SRR: variants seen among roughly 807,000 people sequenced by gnomAD.
SRR encodes D-serine ammonia-lyase.
Under a neutral mutation model 32.7 loss-of-function variants are expected in SRR, and 19 were observed. The ratio of observed to expected loss-of-function variants is 0.58; its 90% CI spans 0.40 to 0.85. The LOEUF (loss-of-function observed/expected upper bound fraction) is 0.85, where lower values mean the gene tolerates loss of function less well. Among genes scored for constraint, SRR ranks in the 40% least tolerant of loss-of-function variants. SRR has a pLI of 0.00. For synonymous variants in SRR, 142 were observed against 140.9 expected, an observed-to-expected ratio of 1.01 and a Z score of -0.06; for missense variants, 373 against 404.7, an observed-to-expected ratio of 0.92 and a Z score of 0.67.
chr17:2,303,907 G>T, upstream of SRR: 1 of 494,636 alleles, frequency 2.0e-6, no homozygotes, highest in Non-Finnish European at 3.5e-6. Flanking sequence ...CCAGAGGGGC[G>T]GGACCGGAGC....
At chr17:2,320,078 A>G (rs1433339931) in intron 4 of SRR, among the ~76,000 whole-genome samples, 3 of 151,692 alleles carry the variant, frequency 2.0e-5, no homozygotes, top group Non-Finnish European at 4.4e-5. Context: ...TCGGCCTCCC[A>G]AAGTGCTGGG....
intron 5 of SRR, 41 bp downstream of exon 5, chr17:2,321,466 C>T (rs1327326418): frequency 6.2e-7 from 1 of 1,612,326 alleles, no homozygotes; most frequent in African/African-American, 1.3e-5. Flanking sequence ...ACTGGTAAAG[C>T]TGTTGGGCTA....
At chr17:2,317,753 A>G (rs1490201343) in intron 2 of SRR, 117 bp from the exon 3 acceptor site, 2 of 1,108,846 alleles carry the variant, frequency 1.8e-6, no homozygotes, top group South Asian at 3.2e-5. Flanking sequence ...AGGTAAATCG[A>G]TAAGATTTGG....
At chr17:2,310,579 G>A (rs1010950463) in intron 1 of SRR, among the ~76,000 whole-genome samples, 7 of 151,692 alleles carry the variant, frequency 4.6e-5, no homozygotes, top group African/African-American at 1.5e-4. Flanking sequence ...TGGGATTTTT[G>A]GTTGTTGTTT....
At chr17:2,319,821 CT>C (rs397701831) in intron 4 of SRR, among the ~76,000 whole-genome samples, 75 of 133,338 alleles carry the variant, frequency 5.6e-4, no homozygotes, top group African/African-American at 6.7e-4. Flanking sequence ...CTTGTCTCTT[CT>C]TTTTTTTTTT....
At chr17:2,318,747 G>T (rs1396942072) in intron 3 of SRR, 79 bp from the exon 4 acceptor site, 4 of 978,668 alleles carry the variant, frequency 4.1e-6, no homozygotes, top group South Asian at 1.3e-5. Context: ...TGGGATTACA[G>T]GTGTGACCCA....
Position 2,304,036 on chromosome 17 carries a change from G to T in SRR, c.-5+19G>T. The T allele has an allele frequency of 4.1e-6, 1 of 241,726 alleles. No individual in the cohort carries two copies. The allele number at this position is 241,726 out of a possible 1,614,324, so 15.0% of individuals were successfully genotyped here. On this transcript the variant is annotated intron_variant, in intron 1 of 7. Transcript: ENST00000344595. ...AGCTGAGGTGAGGCGAGGCCGGGCCGTGCCAGGCCAGGCGGGCGTTTGCGG... is the reference window on the plus strand; with the variant it reads ...AGCTGAGGTGAGGCGAGGCCGGGCCTTGCCAGGCCAGGCGGGCGTTTGCGG...
intron 1 of SRR, among the ~76,000 whole-genome samples, chr17:2,308,060 AC>A (rs1378329570): frequency 3.3e-5 from 5 of 150,726 alleles, no homozygotes; most frequent in Non-Finnish European, 5.9e-5. Context: ...AAAAAAAAAA[AC>A]AACAAAAAAA....
At chr17:2,317,842 A>T (rs773168622) in intron 2 of SRR, 28 bp from the exon 3 acceptor site, 8 of 1,601,586 alleles carry the variant, frequency 5.0e-6, no homozygotes, top group Non-Finnish European at 6.0e-6. Flanking sequence ...TTAATCAAAT[A>T]TGTGAATTCA....
rs2075523310 is a variant in SRR at position 2,321,023 on chromosome 17, T to TA, written c.400-279dup. ...ATCCACAGCACTTGTTCAGATCTTT[T>TA]AAAATGTCACTTTACTAGAGGCTCT... On this transcript the variant is annotated intron_variant, in intron 4 of 7. Transcript: ENST00000344595. Among the ~76,000 whole-genome samples the TA allele has an allele frequency of 8.5e-5, 13 of 152,380 alleles. No homozygotes were observed. In the South Asian group the frequency reaches 2.7e-3, roughly 32 times the overall value.
chr17:2,323,289 C>G lies in SRR; in HGVS notation c.748C>G (p.Pro250Ala). 6.2e-7 allele frequency: 1 copy of G among 1,614,084 alleles called. No individual in the cohort carries two copies. The highest frequency in any genetic ancestry group is 8.5e-7 in the Non-Finnish European group (1 of 1,179,982). ...VKSSIGLNTW[P>A]IIRDLVDDIF... Reference sequence around the variant, plus strand: ...ATCCAGCATTGGCTTGAACACCTGGCCTATTATCAGGGACCTTGTGGATGA... The same window carrying G: ...ATCCAGCATTGGCTTGAACACCTGGGCTATTATCAGGGACCTTGTGGATGA... The change falls in exon 7 of 8, where the codon CCT (proline) becomes GCT (alanine). Residue 250 changes from proline (P) to alanine (A), a missense_variant. By Grantham distance (27) the Pro-to-Ala change is conservative. Transcript: ENST00000344595.
At chr17:2,317,834 A>T (rs769800086) in intron 2 of SRR, 36 bp from the exon 3 acceptor site, 18 of 1,598,318 alleles carry the variant, frequency 1.1e-5, no homozygotes, top group Non-Finnish European at 1.5e-5. Flanking sequence ...ACAATGTTTT[A>T]ATCAAATATG....
At chr17:2,306,378 C>A (rs2075390437) in intron 1 of SRR, among the ~76,000 whole-genome samples, 1 of 151,770 alleles carries the variant, frequency 6.6e-6, no homozygotes, top group South Asian at 2.1e-4. Context: ...AGTGAATAGC[C>A]ACAAATGAAG....
intron 1 of SRR, chr17:2,307,349 G>A (rs1303869841): frequency 9.5e-7 from 1 of 1,058,180 alleles, no homozygotes; most frequent in South Asian, 1.2e-5. Flanking sequence ...AGAGGTCAAA[G>A]TACTTCTGGA....
intron 3 of SRR, among the ~76,000 whole-genome samples, chr17:2,318,456 GTTTC>G (rs1436475152): frequency 1.1e-4 from 16 of 147,622 alleles, no homozygotes; most frequent in Non-Finnish European, 1.8e-4. Flanking sequence ...GGCTGAACAT[GTTTC>G]TTTCTTTTTT....
chr17:2,323,487 T>C, intron 7 of SRR, 142 bp downstream of exon 7: 7 of 1,156,948 alleles, frequency 6.1e-6, no homozygotes, highest in South Asian at 2.9e-5. Context: ...GATGTATTAA[T>C]GACAACCCTC....
rs146419119 is a variant in SRR, at chr17:2,324,088, G to A, written c.*215G>A. On this transcript the variant is annotated 3_prime_UTR_variant, in exon 8 of 8. Transcript: ENST00000344595. ...AAAAAAAGTCTTGCAAAATGGGGCA[G>A]TGGACTGACAGGCTGACATAGAAAA... 178 of 1,424,264 alleles carry A rather than the reference G, an allele frequency of 1.2e-4. 2 individuals carry two copies. In the African/African-American group the frequency reaches 2.1e-3, roughly 17 times the overall value. 88.2% of individuals were successfully genotyped at this position (1,424,264 alleles called of 1,614,324 possible). A position where few individuals can be genotyped will look rare whatever the true frequency, so the allele number is the denominator to read the frequency against.
chr17:2,303,860 G>A (rs906824350), upstream of SRR: 2 of 680,098 alleles, frequency 2.9e-6, no homozygotes, highest in Non-Finnish European at 2.3e-6. Flanking sequence ...CCGAACGACG[G>A]TGGCCGCGCT....
chr17:2,311,511 T>G (rs890094365), intron 1 of SRR, among the ~76,000 whole-genome samples: 1 of 151,990 alleles, frequency 6.6e-6, no homozygotes, highest in African/African-American at 2.4e-5. Context: ...GGTGGCACAG[T>G]GCACCTGTGG....
Sources: gnomAD v4.1 joint callset for allele counts (sites outside exome capture counted in the v4.1 genomes callset) on GRCh38, gnomAD v4.1.1 for gene constraint, MANE v1.5 for transcripts, NCBI Gene and HGNC (gene_info 2026-07-23, HGNC 2026-07-21) for gene names.